LRP1B: variants seen among roughly 807,000 people sequenced by gnomAD.
LRP1B encodes the protein low-density lipoprotein receptor-related protein 1B.
Under a neutral mutation model 556.6 loss-of-function variants are expected in LRP1B, and 217 were observed. The observed-to-expected ratio is 0.39, with a 90% confidence interval of 0.35 to 0.44. The LOEUF (loss-of-function observed/expected upper bound fraction) is 0.44. Among genes scored for constraint, LRP1B ranks in the 20% least tolerant of loss-of-function variants. The pLI is 1.00. For missense variants in LRP1B, 5,053 were observed against 5,620.8 expected (o/e 0.90, Z 3.23); for synonymous variants, 2,047 against 1,865.8 (o/e 1.10, Z -2.50).
At chr2:141,543,123 G>A (rs953005125) in intron 2 of LRP1B, among the ~76,000 whole-genome samples, 1 of 152,090 alleles carries the variant, frequency 6.6e-6, no homozygotes, top group Non-Finnish European at 1.5e-5. Flanking sequence ...TAAGAACTTG[G>A]TAAAATTGGT....
At chr2:141,408,774 T>C (rs1018027534) in intron 3 of LRP1B, among the ~76,000 whole-genome samples, 1 of 152,188 alleles carries the variant, frequency 6.6e-6, no homozygotes, top group Non-Finnish European at 1.5e-5. Context: ...CCTCCATGTC[T>C]TTCTCTTTCA....
At position 140,380,009 on chromosome 2, in the gene LRP1B, T is replaced by G. The variant is rs992632556; in HGVS notation, c.10532-1723A>C. Among the ~76,000 whole-genome samples the G allele has an allele frequency of 2.6e-5, 4 of 152,136 alleles. No homozygotes were observed. The South Asian group carries it at 8.3e-4, about 32-fold the overall frequency. On this transcript the variant is annotated intron_variant, in intron 67 of 90. Coordinates refer to ENST00000389484, the MANE Select transcript of LRP1B (RefSeq NM_018557.3). ...AATTAATACTAATATTTATTATAAC[T>G]AATAATAATTACCATCTACCGATTG... is the stretch of plus-strand genomic sequence containing the variant.
chr2:140,845,767 G>T (rs1692256551), intron 29 of LRP1B, among the ~76,000 whole-genome samples: 1 of 152,096 alleles, frequency 6.6e-6, no homozygotes, highest in Admixed American at 6.5e-5. Flanking sequence ...TTTTGAATGT[G>T]TAAAATAGCA....
intron 3 of LRP1B, among the ~76,000 whole-genome samples, chr2:141,403,463 T>C (rs1276350200): frequency 6.6e-6 from 1 of 152,160 alleles, no homozygotes; most frequent in Non-Finnish European, 1.5e-5. Context: ...CATTCATCTA[T>C]GTGAGGTTGA....
rs953719866 is a variant in LRP1B at position 142,033,875 on chromosome 2, T to C, written c.82+96773A>G. 4.0e-5 allele frequency among the ~76,000 whole-genome samples: 6 copies of C among 151,856 alleles called. No homozygotes were observed. The South Asian group carries it at 1.0e-3, about 26-fold the overall frequency. ...ATGTTCTCTGTTGTATCATTACTAGTAGCCAAAAGCTACTGTTCAATAGGC... is the reference window on the plus strand; with the variant it reads ...ATGTTCTCTGTTGTATCATTACTAGCAGCCAAAAGCTACTGTTCAATAGGC... On this transcript the variant is annotated intron_variant, in intron 1 of 90. Coordinates refer to ENST00000389484, the MANE Select transcript of LRP1B (RefSeq NM_018557.3).
At chr2:140,636,378 G>C (rs1416659743) in intron 41 of LRP1B, among the ~76,000 whole-genome samples, 1 of 152,080 alleles carries the variant, frequency 6.6e-6, no homozygotes, top group Non-Finnish European at 1.5e-5. Flanking sequence ...TCTTAAATGT[G>C]CTGTATAAAG....
chr2:140,595,816 G>C (rs1682419553), intron 43 of LRP1B, among the ~76,000 whole-genome samples: 1 of 152,118 alleles, frequency 6.6e-6, no homozygotes, highest in Non-Finnish European at 1.5e-5. Flanking sequence ...TAATGTTCAT[G>C]CAATTAGTCA....
chr2:141,951,281 C>T (rs1353795382), intron 1 of LRP1B, among the ~76,000 whole-genome samples: 1 of 152,050 alleles, frequency 6.6e-6, no homozygotes, highest in Non-Finnish European at 1.5e-5. Flanking sequence ...TTTCAGTGCA[C>T]CCGTTACCCG....
chr2:141,115,213 A>G (rs1318031169), intron 7 of LRP1B, among the ~76,000 whole-genome samples: 1 of 152,076 alleles, frequency 6.6e-6, no homozygotes, highest in Non-Finnish European at 1.5e-5. Flanking sequence ...CATATCTTAA[A>G]CATGGCCTTG....
chr2:140,450,471 T>C (rs1209521121), intron 63 of LRP1B, 97 bp downstream of exon 63: 1 of 904,116 alleles, frequency 1.1e-6, no homozygotes, highest in Non-Finnish European at 1.8e-6. Flanking sequence ...TTTGGAAAAG[T>C]GTCAGAAGGC....
chr2:140,324,343 T>G (rs951287216), intron 80 of LRP1B, among the ~76,000 whole-genome samples: 2 of 152,128 alleles, frequency 1.3e-5, no homozygotes, highest in Admixed American at 6.6e-5. Context: ...GGGTTATTAT[T>G]TGCAGACTAA....
intron 2 of LRP1B, among the ~76,000 whole-genome samples, chr2:141,701,587 T>C (rs1309326623): frequency 6.6e-6 from 1 of 151,804 alleles, no homozygotes; most frequent in Non-Finnish European, 1.5e-5. Flanking sequence ...CCCAAGAACC[T>C]GCCTCAAAGA....
At chr2:142,073,870 C>T (rs1234485778) in intron 1 of LRP1B, among the ~76,000 whole-genome samples, 6 of 151,946 alleles carry the variant, frequency 3.9e-5, no homozygotes, top group East Asian at 1.9e-4. Flanking sequence ...CTGCTGGCTT[C>T]CCCTTCACTT....
intron 2 of LRP1B, among the ~76,000 whole-genome samples, chr2:141,798,677 A>G (rs1182614172): frequency 2.2e-5 from 3 of 135,928 alleles, no homozygotes; most frequent in African/African-American, 8.7e-5. Flanking sequence ...ACTGCACTCC[A>G]GCCTGGCAAC....
At chr2:140,489,366 A>G (rs1688605818) in intron 57 of LRP1B, among the ~76,000 whole-genome samples, 1 of 152,062 alleles carries the variant, frequency 6.6e-6, no homozygotes, top group Non-Finnish European at 1.5e-5. Flanking sequence ...CTAAGCCAAG[A>G]TGAATAAATG....
chr2:141,476,118 A>C (rs1189332439), intron 3 of LRP1B, among the ~76,000 whole-genome samples: 2 of 152,118 alleles, frequency 1.3e-5, no homozygotes, highest in Admixed American at 1.3e-4. Context: ...CAGCTCCTGC[A>C]CCTGTGTGTC....
At chr2:140,435,041 A>G (rs1301169021) in intron 66 of LRP1B, among the ~76,000 whole-genome samples, 1 of 152,210 alleles carries the variant, frequency 6.6e-6, no homozygotes, top group Admixed American at 6.5e-5. Context: ...AATCAATCAT[A>G]TAGGCATGGT....
chr2:140,630,421 A>T (rs1242535296), intron 41 of LRP1B, among the ~76,000 whole-genome samples: 1 of 152,244 alleles, frequency 6.6e-6, no homozygotes, highest in African/African-American at 2.4e-5. Flanking sequence ...CGATGTCATC[A>T]TCCTGAAATC....
intron 2 of LRP1B, among the ~76,000 whole-genome samples, chr2:141,556,514 A>G (rs564859220): frequency 6.6e-6 from 1 of 152,050 alleles, no homozygotes; most frequent in African/African-American, 2.4e-5. Flanking sequence ...ACTTGGTTAC[A>G]TCTTCACAAA....
Sources: gnomAD v4.1 joint callset for allele counts (sites outside exome capture counted in the v4.1 genomes callset) on GRCh38, gnomAD v4.1.1 for gene constraint, MANE v1.5 for transcripts, NCBI Gene and HGNC (gene_info 2026-07-23, HGNC 2026-07-21) for gene names.